Variants in SULF1 observed in about 807,000 individuals in gnomAD.
SULF1 encodes sulfatase 1.
Under a neutral mutation model 110.5 loss-of-function variants are expected in SULF1, and 46 were observed. The observed-to-expected ratio is 0.42, with a 90% confidence interval of 0.33 to 0.53. The LOEUF (loss-of-function observed/expected upper bound fraction) is 0.53, where lower values mean the gene tolerates loss of function less well. SULF1 is among the 20% of genes least tolerant of loss of function. SULF1 has a pLI of 0.12. For missense variants in SULF1, 941 were observed against 1,094.2 expected, an observed-to-expected ratio of 0.86 and a Z score of 1.98; for synonymous variants, 371 against 387.1, an observed-to-expected ratio of 0.96 and a Z score of 0.49.
chr8:69,525,205 T>A (rs559867931), intron 3 of SULF1, among the ~76,000 whole-genome samples: 6 of 152,318 alleles, frequency 3.9e-5, no homozygotes, highest in African/African-American at 1.2e-4. Context: ...AAGTTTTTTT[T>A]AATTTCCTGG....
Position 69,659,974 on chromosome 8 carries a change from T to C in SULF1, c.*1439T>C, listed in dbSNP as rs1482295640. On this transcript the variant is annotated 3_prime_UTR_variant, in exon 23 of 23. Transcript: ENST00000402687. ...TTGCCAGAAAATGTTGCATGTGTTT[T>C]ACCTCGACTTGCTAAAATCGATTAG... 2 of 152,646 alleles carry C rather than the reference T, an allele frequency of 1.3e-5. No individual in the cohort carries two copies. The highest frequency in any genetic ancestry group is 2.9e-5 in the Non-Finnish European group (2 of 68,030). 9.5% of individuals were successfully genotyped at this position (152,646 alleles called of 1,614,324 possible).
At chr8:69,473,054 G>T (rs2150531793) in intron 1 of SULF1, among the ~76,000 whole-genome samples, 1 of 151,890 alleles carries the variant, frequency 6.6e-6, no homozygotes, top group Middle Eastern at 3.4e-3. Flanking sequence ...TACCCAGGCT[G>T]GTCTCAAACT....
intron 2 of SULF1, among the ~76,000 whole-genome samples, chr8:69,500,003 C>CAA (rs1437596062): frequency 6.6e-5 from 10 of 152,190 alleles, no homozygotes; most frequent in Non-Finnish European, 1.5e-4. Flanking sequence ...CCTCCCATCT[C>CAA]AGCCTCCCAA....
intron 1 of SULF1, chr8:69,473,335 ATAC>A (rs1178958549): frequency 6.6e-6 from 1 of 152,236 alleles, no homozygotes; most frequent in Non-Finnish European, 1.5e-5. Context: ...GGTGAGATTA[ATAC>A]TAAATCTCTG....
intron 22 of SULF1, among the ~76,000 whole-genome samples, chr8:69,651,591 G>A (rs1812350560): frequency 6.6e-6 from 1 of 151,864 alleles, no homozygotes; most frequent in African/African-American, 2.4e-5. Flanking sequence ...TTGTCAAAAA[G>A]CTTTTTTTAG....
At chr8:69,601,924 C>G in intron 10 of SULF1, 95 bp downstream of exon 10, 1 of 1,332,258 alleles carries the variant, frequency 7.5e-7, no homozygotes, top group South Asian at 1.6e-5. Context: ...TTCCTTTCAT[C>G]CAAAACAAAA....
At chr8:69,549,357 G>T (rs1180270624) in intron 3 of SULF1, among the ~76,000 whole-genome samples, 1 of 152,178 alleles carries the variant, frequency 6.6e-6, no homozygotes, top group African/African-American at 2.4e-5. Flanking sequence ...AGGCAGCATG[G>T]AAATTCATGT....
chr8:69,569,476 C>G (rs1379305286), intron 5 of SULF1, among the ~76,000 whole-genome samples: 1 of 152,198 alleles, frequency 6.6e-6, no homozygotes. Flanking sequence ...TGCAGCTGCT[C>G]TCGGACACTG....
chr8:69,482,855 C>G (rs1809563417), intron 1 of SULF1, among the ~76,000 whole-genome samples: 1 of 152,114 alleles, frequency 6.6e-6, no homozygotes. Flanking sequence ...TTTCTGTAAA[C>G]TGAAAGTAAT....
intron 3 of SULF1, among the ~76,000 whole-genome samples, chr8:69,551,520 A>G (rs1814707555): frequency 6.6e-6 from 1 of 152,218 alleles, no homozygotes; most frequent in South Asian, 2.1e-4. Context: ...GTATGTTGGC[A>G]TGTTTGCCTT....
At chr8:69,605,155 A>G (rs1808141477) in intron 13 of SULF1, among the ~76,000 whole-genome samples, 1 of 152,232 alleles carries the variant, frequency 6.6e-6, no homozygotes, top group Non-Finnish European at 1.5e-5. Context: ...AAAAAAGATG[A>G]TGATCTCAGA....
At chr8:69,548,157 A>G (rs1814418780) in intron 3 of SULF1, among the ~76,000 whole-genome samples, 1 of 152,168 alleles carries the variant, frequency 6.6e-6, no homozygotes, top group South Asian at 2.1e-4. Context: ...CATGGATCTA[A>G]TGAGGTCTAA....
chr8:69,649,039 A>G (rs758322468), intron 22 of SULF1, among the ~76,000 whole-genome samples: 7 of 152,222 alleles, frequency 4.6e-5, no homozygotes, highest in Non-Finnish European at 1.0e-4. Flanking sequence ...GAACAAGCCT[A>G]TCTATACCTT....
At position 69,504,274 on chromosome 8, in the gene SULF1, G is replaced by A. The variant is rs538813664; in HGVS notation, c.-134+2306G>A. ...GTCTAGGCTGGGCACAGTGGCTCAC[G>A]CCTATAGTCCCAGCACTTTGGGAGG... On this transcript the variant is annotated intron_variant, in intron 3 of 22. Transcript: ENST00000402687. Among the ~76,000 whole-genome samples the A allele has an allele frequency of 4.0e-5, 6 of 151,820 alleles. No individual in the cohort carries two copies. The South Asian group carries it at 1.3e-3, about 32-fold the overall frequency.
intron 22 of SULF1, among the ~76,000 whole-genome samples, chr8:69,644,628 A>G (rs2130703842): frequency 6.6e-6 from 1 of 151,922 alleles, no homozygotes; most frequent in South Asian, 2.1e-4. Context: ...ACAAAAAAAA[A>G]AGAAAAATTA....
chr8:69,600,004 G>C (rs760571962), intron 8 of SULF1, among the ~76,000 whole-genome samples: 1 of 152,102 alleles, frequency 6.6e-6, no homozygotes, highest in Non-Finnish European at 1.5e-5. Context: ...AGCTTTATTG[G>C]TAAACATGTA....
At chr8:69,572,954 A>G (rs548989894) in intron 5 of SULF1, among the ~76,000 whole-genome samples, 1 of 152,268 alleles carries the variant, frequency 6.6e-6, no homozygotes, top group East Asian at 1.9e-4. Context: ...CAGCCTCCCA[A>G]GTAGCTGGGT....
At chr8:69,598,757 C>T (rs1056745849) in intron 8 of SULF1, among the ~76,000 whole-genome samples, 6 of 152,180 alleles carry the variant, frequency 3.9e-5, no homozygotes, top group African/African-American at 1.4e-4. Context: ...GAGCCACACC[C>T]TCTTTTCCAC....
chr8:69,542,627 A>T (rs1301670700), intron 3 of SULF1, among the ~76,000 whole-genome samples: 1 of 152,098 alleles, frequency 6.6e-6, no homozygotes, highest in Non-Finnish European at 1.5e-5. Flanking sequence ...TGTAAGTTTG[A>T]TACAAATGAT....
Sources: allele counts gnomAD v4.1 joint callset (sites outside exome capture counted in the v4.1 genomes callset), GRCh38; gene constraint gnomAD v4.1.1; transcripts MANE v1.5; gene names NCBI Gene and HGNC (gene_info 2026-07-23, HGNC 2026-07-21).